The following ARHGEF3 variants were observed in gnomAD, a reference collection of about 807,000 sequenced individuals.
ARHGEF3 encodes the protein Rho guanine nucleotide exchange factor 3.
ARHGEF3 carries 28 observed loss-of-function variants against 63.2 expected under a neutral mutation model. That is an observed-to-expected ratio of 0.44 (90% confidence interval 0.33 to 0.61). The LOEUF is 0.61. Among genes scored for constraint, ARHGEF3 ranks in the 20% least tolerant of loss-of-function variants. The probability of loss-of-function intolerance (pLI) is 0.03; values close to 1 mark genes in which losing one functional copy is unlikely to be tolerated. For missense variants in ARHGEF3, 533 were observed against 659.3 expected, an observed-to-expected ratio of 0.81 and a Z score of 2.10; for synonymous variants, 266 against 254.2, an observed-to-expected ratio of 1.05 and a Z score of -0.44.
At chr3:56,810,160 T>C (rs2038013757) in intron 4 of ARHGEF3, among the ~76,000 whole-genome samples, 1 of 152,164 alleles carries the variant, frequency 6.6e-6, no homozygotes, top group African/African-American at 2.4e-5. Flanking sequence ...ATATTAGAGG[T>C]GTTTTCTCCT....
intron 4 of ARHGEF3, among the ~76,000 whole-genome samples, chr3:56,819,556 A>G (rs1349333246): frequency 2.6e-5 from 4 of 151,398 alleles, no homozygotes; most frequent in African/African-American, 7.3e-5. Context: ...CTGTCTCCCA[A>G]GCTGGAGTGC....
chr3:57,068,818 C>G (rs967347055), intron 1 of ARHGEF3, among the ~76,000 whole-genome samples: 3 of 152,098 alleles, frequency 2.0e-5, no homozygotes, highest in Non-Finnish European at 4.4e-5. Flanking sequence ...CATGTGCACA[C>G]ACACGCACAC....
intron 1 of ARHGEF3, among the ~76,000 whole-genome samples, chr3:56,795,860 G>C (rs1009982749): frequency 2.0e-5 from 3 of 151,572 alleles, no homozygotes; most frequent in African/African-American, 7.3e-5. Flanking sequence ...GGCTGGTCTT[G>C]AACCCCTGAC....
chr3:57,052,161 C>T (rs187336741), intron 1 of ARHGEF3, among the ~76,000 whole-genome samples: 4 of 152,242 alleles, frequency 2.6e-5, no homozygotes, highest in African/African-American at 7.2e-5. Context: ...AATAAAGAAA[C>T]GGAGGCACAC....
chr3:56,731,838 T>C, intron 9 of ARHGEF3: 1 of 316,480 alleles, frequency 3.2e-6, no homozygotes, highest in Non-Finnish European at 5.8e-6. Context: ...CTTATGTCTC[T>C]TTAGGGACAA....
At chr3:56,758,277 T>C (rs1473604883) in intron 2 of ARHGEF3, among the ~76,000 whole-genome samples, 1 of 148,086 alleles carries the variant, frequency 6.8e-6, no homozygotes, top group African/African-American at 2.5e-5. Context: ...CAAGACTCCC[T>C]CTAAAGGAAA....
intron 2 of ARHGEF3, among the ~76,000 whole-genome samples, chr3:56,762,055 C>T (rs1200598824): frequency 6.6e-6 from 1 of 152,274 alleles, no homozygotes; most frequent in East Asian, 1.9e-4. Context: ...TTCGCATCAT[C>T]TTTGCCCTCT....
chr3:56,740,150 G>A (rs544938573), intron 7 of ARHGEF3, among the ~76,000 whole-genome samples: 1 of 151,556 alleles, frequency 6.6e-6, no homozygotes, highest in South Asian at 2.1e-4. Context: ...TGCCTGCCTT[G>A]GCCTCCCTAA....
intron 3 of ARHGEF3, among the ~76,000 whole-genome samples, chr3:56,899,047 C>T (rs550332759): frequency 2.6e-4 from 40 of 152,208 alleles, no homozygotes; most frequent in Admixed American, 5.9e-4. Context: ...AAAGAGACTC[C>T]GTCCCAAAAA....
chr3:56,765,874 C>A (rs1171768704), intron 2 of ARHGEF3, among the ~76,000 whole-genome samples: 2 of 151,908 alleles, frequency 1.3e-5, no homozygotes, highest in Non-Finnish European at 2.9e-5. Context: ...ATGAAAAAAT[C>A]AATAGTTCCA....
At chr3:56,968,225 TATATATATAA>T (rs1344807369) in intron 2 of ARHGEF3, among the ~76,000 whole-genome samples, 11 of 16,966 alleles carry the variant, frequency 6.5e-4, no homozygotes, top group South Asian at 3.3e-3. Flanking sequence ...TTATATATAA[TATATATATAA>T]ATATATATAT....
upstream of ARHGEF3, among the ~76,000 whole-genome samples, chr3:56,804,133 C>T (rs2037781339): frequency 1.3e-5 from 2 of 152,134 alleles, no homozygotes; most frequent in African/African-American, 4.8e-5. Context: ...AATCCACCTG[C>T]CTCAACCACC....
intron 3 of ARHGEF3, among the ~76,000 whole-genome samples, chr3:56,948,652 A>G (rs1391618522): frequency 6.6e-6 from 1 of 152,146 alleles, no homozygotes; most frequent in Non-Finnish European, 1.5e-5. Flanking sequence ...TTACCAACCA[A>G]AAAAAGTCCA....
chr3:56,752,354 G>A lies in ARHGEF3; in HGVS notation c.439-958C>T, dbSNP rs565743705. ...ATTATAGGTGTGAGCCACCGGACCCGGCTTATGTTTAAAAATTAAAGATTA... is the reference window on the plus strand; with the variant it reads ...ATTATAGGTGTGAGCCACCGGACCCAGCTTATGTTTAAAAATTAAAGATTA... On this transcript the variant is annotated intron_variant, in intron 4 of 9. Transcript: ENST00000296315. 1.0e-3 allele frequency among the ~76,000 whole-genome samples: 158 copies of A among 152,268 alleles called. 1 individual carries two copies. The highest frequency in any genetic ancestry group is 0.01 in the Middle Eastern group (3 of 294).
At chr3:56,754,216 T>C (rs2034932883) in intron 3 of ARHGEF3, among the ~76,000 whole-genome samples, 1 of 152,206 alleles carries the variant, frequency 6.6e-6, no homozygotes, top group Non-Finnish European at 1.5e-5. Context: ...TTTGGCTCTA[T>C]TAAGCCATCA....
At chr3:56,779,089 G>A (rs2036420492) in intron 1 of ARHGEF3, among the ~76,000 whole-genome samples, 1 of 152,146 alleles carries the variant, frequency 6.6e-6, no homozygotes, top group Admixed American at 6.5e-5. Flanking sequence ...CCAGTAGATG[G>A]CATAAGCTTG....
rs1438854928 is a variant in ARHGEF3, at chr3:57,042,693, TATA to T, written c.-27-7520_-27-7518del. On this transcript the variant is annotated intron_variant, in intron 1 of 12. Transcript: ENST00000338458. ...ATATATATATATATATATATATATA[TATA>T]TATATTTTTTTTTTTTTTTAGACGG... Among the ~76,000 whole-genome samples the T allele has an allele frequency of 4.9e-3, 121 of 24,560 alleles. 6 individuals are homozygous for T. Among genetic ancestry groups the T allele is most frequent in the Non-Finnish European group, 6.3e-3 (87 of 13,892 alleles). The allele number at this position is 24,560 out of a possible 152,430, so 16.1% of individuals were successfully genotyped here. A position where few individuals can be genotyped will look rare whatever the true frequency, so the allele number is the denominator to read the frequency against.
chr3:56,863,336 G>A (rs1022669951), intron 4 of ARHGEF3, among the ~76,000 whole-genome samples: 6 of 149,416 alleles, frequency 4.0e-5, no homozygotes, highest in South Asian at 2.1e-4. Context: ...GTCTCACTGT[G>A]TCGCCCAGGC....
chr3:57,049,779 T>G (rs988206085), intron 1 of ARHGEF3, among the ~76,000 whole-genome samples: 1 of 152,184 alleles, frequency 6.6e-6, no homozygotes, highest in African/African-American at 2.4e-5. Context: ...GGAGGGTGGC[T>G]TCTTGGCACA....
Sources: allele counts gnomAD v4.1 joint callset (sites outside exome capture counted in the v4.1 genomes callset), GRCh38; gene constraint gnomAD v4.1.1; transcripts MANE v1.5; gene names NCBI Gene and HGNC (gene_info 2026-07-23, HGNC 2026-07-21).